The following HPSE2 variants were observed in gnomAD, a reference collection of about 807,000 sequenced individuals.
The protein encoded by HPSE2 is inactive heparanase-2.
In HPSE2, 38 loss-of-function variants were observed where a neutral mutation model predicts 60.5. The observed-to-expected ratio is 0.63, with a 90% CI of 0.48 to 0.82. The LOEUF (loss-of-function observed/expected upper bound fraction) is 0.82. Among genes scored for constraint, HPSE2 ranks in the 40% least tolerant of loss-of-function variants. HPSE2 has a pLI of 0.00. For missense variants in HPSE2, 713 were observed against 740.4 expected (o/e 0.96, Z 0.43); for synonymous variants, 295 against 293.2 (o/e 1.01, Z -0.06).
chr10:99,009,050 T>C (rs1956950695), intron 3 of HPSE2, among the ~76,000 whole-genome samples: 1 of 151,978 alleles, frequency 6.6e-6, no homozygotes, highest in Non-Finnish European at 1.5e-5. Context: ...AAATCTGCAT[T>C]TTTGGTTCAA....
chr10:98,619,560 C>T (rs1458203217), intron 8 of HPSE2, among the ~76,000 whole-genome samples: 1 of 152,214 alleles, frequency 6.6e-6, no homozygotes, highest in Non-Finnish European at 1.5e-5. Flanking sequence ...CTCACTTCCT[C>T]TACCGGGTTT....
At chr10:98,993,763 A>C (rs528891962) in intron 3 of HPSE2, among the ~76,000 whole-genome samples, 3 of 152,126 alleles carry the variant, frequency 2.0e-5, no homozygotes, top group African/African-American at 7.2e-5. Context: ...AATCTGTATA[A>C]ATTTTTTCCT....
intron 3 of HPSE2, among the ~76,000 whole-genome samples, chr10:99,079,939 C>T (rs1354206034): frequency 6.6e-6 from 1 of 152,112 alleles, no homozygotes; most frequent in Non-Finnish European, 1.5e-5. Context: ...TCTTTCCATT[C>T]CCAAGGAGAA....
chr10:98,480,329 C>T (rs1433222509), intron 11 of HPSE2, among the ~76,000 whole-genome samples: 1 of 152,144 alleles, frequency 6.6e-6, no homozygotes, highest in Non-Finnish European at 1.5e-5. Context: ...AGTAATCCCC[C>T]CGCCTCAGCC....
intron 3 of HPSE2, among the ~76,000 whole-genome samples, chr10:99,094,475 T>C (rs989978747): frequency 1.4e-5 from 2 of 143,794 alleles, no homozygotes; most frequent in African/African-American, 5.1e-5. Flanking sequence ...CATGATGTCA[T>C]GAATATTAAC....
At chr10:98,500,583 C>T (rs1317372259) in intron 9 of HPSE2, among the ~76,000 whole-genome samples, 5 of 152,120 alleles carry the variant, frequency 3.3e-5, no homozygotes, top group African/African-American at 7.2e-5. Flanking sequence ...TGAAAGAGCA[C>T]AGACTGACAT....
At chr10:98,674,719 A>G (rs1299840748) in intron 6 of HPSE2, among the ~76,000 whole-genome samples, 1 of 152,196 alleles carries the variant, frequency 6.6e-6, no homozygotes, top group Non-Finnish European at 1.5e-5. Context: ...GTTCGAGACC[A>G]GCCTGGCCAA....
At chr10:98,642,107 C>T (rs1406342121) in intron 6 of HPSE2, among the ~76,000 whole-genome samples, 167 bp from the exon 7 acceptor site, 2 of 152,180 alleles carry the variant, frequency 1.3e-5, no homozygotes, top group African/African-American at 4.8e-5. Context: ...CAAATAATAA[C>T]CTTTTTATCT....
chr10:98,478,171 T>G (rs1188932916), intron 11 of HPSE2, among the ~76,000 whole-genome samples: 5 of 152,148 alleles, frequency 3.3e-5, no homozygotes, highest in African/African-American at 1.2e-4. Flanking sequence ...TTATCCAGAA[T>G]GGGAACCATT....
At chr10:98,547,535 C>T (rs3979259) in intron 9 of HPSE2, among the ~76,000 whole-genome samples, 4 of 147,644 alleles carry the variant, frequency 2.7e-5, no homozygotes, top group African/African-American at 7.5e-5. Context: ...AATCATCATT[C>T]TCAGTAAACT....
rs368857672 is a variant in HPSE2, at chr10:98,490,093, C to T, written c.1424G>A (p.Arg475Gln). 17 of 1,614,050 alleles carry T rather than the reference C, an allele frequency of 1.1e-5. No individual in the cohort carries two copies. Among genetic ancestry groups the T allele is most frequent in the Non-Finnish European group, 1.3e-5 (15 of 1,180,042 alleles). The change falls in exon 10 of 12, where the codon CGG becomes CAG. Residue 475 changes from arginine (R) to glutamine (Q), a missense_variant. Arg to Gln is a conservative substitution (Grantham distance 43). Coordinates refer to ENST00000370552, the MANE Select transcript of HPSE2 (RefSeq NM_021828.5). ...GTGAGCATAAATCCTTAGTTTGTCC[C>T]GGATCACTCGGCCAGGCCGTGGCTT... ...QRKPRPGRVI[R>Q]DKLRIYAHCT...
intron 2 of HPSE2, among the ~76,000 whole-genome samples, chr10:99,196,177 C>T (rs117721969): frequency 2.0e-5 from 3 of 152,134 alleles, no homozygotes; most frequent in East Asian, 3.9e-4. Context: ...AAACTAGGCC[C>T]GTATCTCTTA....
At chr10:99,102,592 A>G (rs1452845571) in intron 3 of HPSE2, among the ~76,000 whole-genome samples, 3 of 152,332 alleles carry the variant, frequency 2.0e-5, no homozygotes, top group African/African-American at 7.2e-5. Flanking sequence ...AAACTATTCC[A>G]ATCAATAGAA....
chr10:98,468,576 G>A (rs1940651483), intron 11 of HPSE2, among the ~76,000 whole-genome samples: 1 of 151,956 alleles, frequency 6.6e-6, no homozygotes. Context: ...CCCTTTTAGC[G>A]TCCCTCTCAG....
chr10:98,724,330 C>T (rs528214932), intron 4 of HPSE2, among the ~76,000 whole-genome samples: 2 of 151,986 alleles, frequency 1.3e-5, no homozygotes, highest in Admixed American at 6.6e-5. Flanking sequence ...GTCTGAGAGA[C>T]AGTTTGTTAT....
chr10:98,902,359 A>G (rs1953690346), intron 3 of HPSE2, among the ~76,000 whole-genome samples: 1 of 152,176 alleles, frequency 6.6e-6, no homozygotes, highest in Non-Finnish European at 1.5e-5. Flanking sequence ...CTTGACATAT[A>G]AAGTCCTACT....
At chr10:99,047,561 C>A in intron 3 of HPSE2, 1 of 528,544 alleles carries the variant, frequency 1.9e-6, no homozygotes, top group Non-Finnish European at 3.3e-6. Flanking sequence ...TATTCACAAA[C>A]TTTGCATATG....
At position 98,515,434 on chromosome 10, in the gene HPSE2, C is replaced by G. The variant is rs556872696; in HGVS notation, c.1321-25238G>C. Reference sequence around the variant, plus strand: ...TTCAATAAATCAATTAATGAGTAAACAAATTGTAGATCCAACTATGGATAC... The same window carrying G: ...TTCAATAAATCAATTAATGAGTAAAGAAATTGTAGATCCAACTATGGATAC... On this transcript the variant is annotated intron_variant, in intron 9 of 11. Transcript: ENST00000370552. Among the ~76,000 whole-genome samples the G allele has an allele frequency of 2.6e-5, 4 of 152,182 alleles. No individual in the cohort carries two copies. In the East Asian group the frequency reaches 7.7e-4, roughly 29 times the overall value.
At chr10:98,702,684 T>C (rs1425121797) in intron 5 of HPSE2, among the ~76,000 whole-genome samples, 1 of 152,148 alleles carries the variant, frequency 6.6e-6, no homozygotes, top group Non-Finnish European at 1.5e-5. Context: ...CCTGAATGAC[T>C]CCTGAGTAAA....
Sources: allele counts gnomAD v4.1 joint callset (sites outside exome capture counted in the v4.1 genomes callset), GRCh38; gene constraint gnomAD v4.1.1; transcripts MANE v1.5; gene names NCBI Gene and HGNC (gene_info 2026-07-23, HGNC 2026-07-21).